The following USP10 variants were observed in gnomAD, a reference collection of about 807,000 sequenced individuals.
The protein encoded by USP10 is ubiquitin carboxyl-terminal hydrolase 10.
USP10 carries 22 observed loss-of-function variants against 84.5 expected under a neutral mutation model. The ratio of observed to expected loss-of-function variants is 0.26; its 90% CI spans 0.19 to 0.37. The LOEUF is 0.37. USP10 is among the 10% of genes least tolerant of loss of function. The pLI, the probability that USP10 is intolerant of heterozygous loss-of-function variation, is 1.00. For missense variants in USP10, 1,019 were observed against 998.9 expected, an observed-to-expected ratio of 1.02 and a Z score of -0.27; for synonymous variants, 454 against 387.6, an observed-to-expected ratio of 1.17 and a Z score of -2.01.
chr16:84,733,998 G>A (rs1037570014), intron 2 of USP10, among the ~76,000 whole-genome samples: 3 of 152,120 alleles, frequency 2.0e-5, no homozygotes, highest in Non-Finnish European at 4.4e-5. Context: ...ACCACTGATT[G>A]AACACACTGC....
intron 11 of USP10, among the ~76,000 whole-genome samples, chr16:84,770,641 A>G (rs980854134): frequency 1.3e-5 from 2 of 151,694 alleles, no homozygotes. Flanking sequence ...GCATGGTGGC[A>G]GGCGCCTGTA....
At chr16:84,724,640 G>A (rs1276152974) in intron 1 of USP10, among the ~76,000 whole-genome samples, 1 of 152,080 alleles carries the variant, frequency 6.6e-6, no homozygotes, top group Admixed American at 6.6e-5. Flanking sequence ...TTCTTCCTTT[G>A]TCTGCTTCTG....
rs117186215 is a variant in USP10, at chr16:84,779,116, G to A, written c.*34G>A. Reference sequence around the variant, plus strand: ...TGCGCTGTGTGTGCGCCCAGTGCCCGCTTCGTAGGACACCACCTCACACTC... The same window carrying A: ...TGCGCTGTGTGTGCGCCCAGTGCCCACTTCGTAGGACACCACCTCACACTC... On this transcript the variant is annotated 3_prime_UTR_variant, in exon 14 of 14. Transcript: ENST00000219473. 1,098 of 1,584,068 alleles carry A rather than the reference G, an allele frequency of 6.9e-4. 7 individuals carry two copies. In the East Asian group the frequency reaches 0.022, roughly 31 times the overall value.
chr16:84,777,219 G>A (rs1176085755), intron 13 of USP10, among the ~76,000 whole-genome samples: 1 of 152,224 alleles, frequency 6.6e-6, no homozygotes, highest in Non-Finnish European at 1.5e-5. Context: ...ACACGGCTCA[G>A]CCCAGGGTAG....
intron 1 of USP10, among the ~76,000 whole-genome samples, chr16:84,707,715 G>GC (rs1464041204): frequency 6.6e-6 from 1 of 152,204 alleles, no homozygotes; most frequent in African/African-American, 2.4e-5. Context: ...GATCCAGTGT[G>GC]CAGGGGATTG....
intron 1 of USP10, chr16:84,704,799 A>G: frequency 1.3e-6 from 2 of 1,535,636 alleles, no homozygotes; most frequent in Non-Finnish European, 1.7e-6. Context: ...CTCTACCAGC[A>G]CTGCCATTCT....
chr16:84,745,299 G>A lies in USP10; in HGVS notation c.818G>A (p.Cys273Tyr). 2 of 1,613,180 alleles carry A rather than the reference G, an allele frequency of 1.2e-6. No homozygotes were observed. Among genetic ancestry groups the A allele is most frequent in the Non-Finnish European group, 1.7e-6 (2 of 1,179,722 alleles). The change falls in exon 4 of 14, where the codon TGC (cysteine) becomes TAC (tyrosine). Residue 273 changes from cysteine (C) to tyrosine (Y), a missense_variant. Cys to Tyr is a radical substitution (Grantham distance 194). This residue lies in a region of USP10 where 787 missense variants were observed against 708.8 expected (regional missense o/e 1.11). Transcript: ENST00000219473. ...TCAAGGACAGCTGGGGCTCAGCCCT[G>A]CGTTGGTACCGATACTACTGAAAAC... Reference protein sequence around the residue: ...TLSRTAGAQPCVGTDTTENLG... With the variant: ...TLSRTAGAQPYVGTDTTENLG...
At chr16:84,746,923 C>T (rs1433781668) in intron 4 of USP10, among the ~76,000 whole-genome samples, 2 of 152,250 alleles carry the variant, frequency 1.3e-5, no homozygotes, top group Admixed American at 6.5e-5. Context: ...CCTTTTTATT[C>T]TTACTTTCCT....
chr16:84,712,656 A>G (rs1038898143), intron 1 of USP10, among the ~76,000 whole-genome samples: 2 of 152,148 alleles, frequency 1.3e-5, no homozygotes, highest in Non-Finnish European at 2.9e-5. Flanking sequence ...ATGAGAGCTG[A>G]TGAAGAAGAG....
chr16:84,759,739 G>A, intron 6 of USP10, 152 bp from the exon 7 acceptor site: 1 of 800,808 alleles, frequency 1.2e-6, no homozygotes, highest in East Asian at 2.7e-5. Flanking sequence ...AATGCATATA[G>A]AAGAGACTTG....
At chr16:84,737,938 G>A (rs1910144634) in intron 2 of USP10, among the ~76,000 whole-genome samples, 1 of 152,252 alleles carries the variant, frequency 6.6e-6, no homozygotes. Context: ...CACTTGGCTT[G>A]TCCTCAGCGT....
intron 4 of USP10, among the ~76,000 whole-genome samples, chr16:84,747,597 CTG>C (rs1021147114): frequency 8.1e-5 from 9 of 111,394 alleles, no homozygotes; most frequent in Non-Finnish European, 1.5e-4. Flanking sequence ...CAGTCTCACT[CTG>C]TTGCTCAGGC....
chr16:84,706,221 G>T (rs1905483852), intron 1 of USP10, among the ~76,000 whole-genome samples: 1 of 151,922 alleles, frequency 6.6e-6, no homozygotes, highest in Non-Finnish European at 1.5e-5. Flanking sequence ...TTTTACTTTT[G>T]ATAGGACATG....
chr16:84,745,619 G>A lies in USP10; in HGVS notation c.1138G>A (p.Val380Ile). ...CCTGGTTTCTGAAAAGCAGGTTGAA[G>A]TCAAAGAAGGGCTTGTTCCGGTTTC... Reference protein sequence around the residue: ...SPLVSEKQVEVKEGLVPVSED... With the variant: ...SPLVSEKQVEIKEGLVPVSED... Residue 380 changes from valine to isoleucine, a missense_variant, in exon 4 of 14, where the codon GTC (valine) becomes ATC (isoleucine). Coordinates refer to ENST00000219473, the MANE Select transcript of USP10 (RefSeq NM_005153.3). The A allele has an allele frequency of 2.5e-6, 4 of 1,613,528 alleles. No homozygotes were observed. The highest frequency in any genetic ancestry group is 1.1e-5 in the South Asian group (1 of 90,932).
intron 13 of USP10, among the ~76,000 whole-genome samples, chr16:84,777,818 G>A (rs1257348071): frequency 6.6e-6 from 1 of 152,230 alleles, no homozygotes; most frequent in African/African-American, 2.4e-5. Context: ...GCCAAGTCTT[G>A]CATCTCTCCT....
intron 1 of USP10, among the ~76,000 whole-genome samples, chr16:84,718,222 T>A (rs1041065808): frequency 2.8e-4 from 43 of 152,314 alleles, no homozygotes; most frequent in African/African-American, 1.0e-3. Flanking sequence ...AAATGTCTTT[T>A]GTTCAGAAGA....
chr16:84,739,366 G>A (rs187786443), intron 2 of USP10, among the ~76,000 whole-genome samples: 1 of 152,162 alleles, frequency 6.6e-6, no homozygotes, highest in East Asian at 1.9e-4. Context: ...CCATCCCCCA[G>A]GTTCAAACGA....
chr16:84,765,000 G>A (rs1400097297), intron 10 of USP10, among the ~76,000 whole-genome samples: 2 of 147,800 alleles, frequency 1.4e-5, no homozygotes, highest in African/African-American at 2.5e-5. Flanking sequence ...AACCACCTCC[G>A]GGAGGCAGAG....
At chr16:84,701,173 C>T (rs1904814734) in intron 1 of USP10, among the ~76,000 whole-genome samples, 3 of 152,180 alleles carry the variant, frequency 2.0e-5, no homozygotes, top group African/African-American at 7.2e-5. Context: ...GTCAATCTGA[C>T]TACACCTCTT....
Sources: allele counts gnomAD v4.1 joint callset (sites outside exome capture counted in the v4.1 genomes callset), GRCh38; gene constraint gnomAD v4.1.1; regional missense constraint gnomAD v4.1.1; transcripts MANE v1.5; gene names NCBI Gene and HGNC (gene_info 2026-07-23, HGNC 2026-07-21).